The following ANO9 variants were observed in gnomAD, a reference collection of about 807,000 sequenced individuals.
The protein encoded by ANO9 is anoctamin 9, also known as anoctamin-9.
ANO9 carries 80 observed loss-of-function variants against 100.5 expected under a neutral mutation model. The observed-to-expected ratio is 0.80, with a 90% CI of 0.66 to 0.96. The LOEUF (loss-of-function observed/expected upper bound fraction) is 0.96. ANO9 is among the 40% of genes least tolerant of loss of function. ANO9 has a pLI of 0.00. For missense variants in ANO9, 1,064 were observed against 1,072.7 expected (o/e 0.99, Z 0.11); for synonymous variants, 473 against 435.6 (o/e 1.09, Z -1.07).
chr11:435,448 A>G (rs1849399680), intron 1 of ANO9, among the ~76,000 whole-genome samples: 1 of 149,906 alleles, frequency 6.7e-6, no homozygotes, highest in African/African-American at 2.5e-5. Context: ...AGTCTAGTAT[A>G]GCATAGGATA....
intron 1 of ANO9, among the ~76,000 whole-genome samples, chr11:437,759 G>T (rs951489788): frequency 6.6e-6 from 1 of 152,208 alleles, no homozygotes; most frequent in African/African-American, 2.4e-5. Context: ...GCCTCCGTAG[G>T]GGCCCGGGAA....
Position 421,286 on chromosome 11 carries a change from GAC to G in ANO9, c.1335-90_1335-89del, listed in dbSNP as rs1423917646. The G allele has an allele frequency of 5.9e-6, 8 of 1,362,854 alleles. No individual in the cohort carries two copies. The highest frequency in any genetic ancestry group is 2.5e-4 in the Middle Eastern group (1 of 3,924). The allele number at this position is 1,362,854 out of a possible 1,614,324, so 84.4% of individuals were successfully genotyped here. On this transcript the variant is annotated intron_variant, in intron 15 of 22. Coordinates refer to ENST00000332826, the MANE Select transcript of ANO9 (RefSeq NM_001012302.3). This position sits in a 1 kb window ranked among gnomAD's most constrained non-coding sequence, Gnocchi z 6.8. ...CAGCAGGACAGAAGCGGGTAGGAAAGACACAGAACAGGCGGGGCAGGCCCTGC... is the reference window on the plus strand; with the variant it reads ...CAGCAGGACAGAAGCGGGTAGGAAAGACAGAACAGGCGGGGCAGGCCCTGC...
chr11:442,008 G>A lies in ANO9; in HGVS notation c.-82C>T. ...CGGCGGGTGCTCCTACCTGACTTCC[G>A]CGTGGGGCTCGCCCCTCCCTCCTCC... On this transcript the variant is annotated 5_prime_UTR_variant, in exon 1 of 23. Transcript: ENST00000332826. The A allele has an allele frequency of 1.0e-5, 16 of 1,558,014 alleles. No homozygotes were observed. Among genetic ancestry groups the A allele is most frequent in the Middle Eastern group, 1.8e-4 (1 of 5,478 alleles).
rs555469018 is a variant in ANO9 at position 431,833 on chromosome 11, C to A, written c.465+15G>T. On this transcript the variant is annotated intron_variant, in intron 6 of 22. Coordinates refer to ENST00000332826, the MANE Select transcript of ANO9 (RefSeq NM_001012302.3). ...TCCCACCCCAGGGCCCTCTCCAGGCCAGCCCACCCCTCACCTTGTGCAGGG... is the reference window on the plus strand; with the variant it reads ...TCCCACCCCAGGGCCCTCTCCAGGCAAGCCCACCCCTCACCTTGTGCAGGG... 6.2e-7 allele frequency: 1 copy of A among 1,611,148 alleles called. No individual in the cohort carries two copies. Among genetic ancestry groups the A allele is most frequent in the African/African-American group, 1.3e-5 (1 of 74,800 alleles).
rs373156349 is a variant in ANO9 at position 428,702 on chromosome 11, C to A, written c.1020+20G>T. The A allele has an allele frequency of 1.1e-5, 17 of 1,612,588 alleles. No homozygotes were observed. In the African/African-American group the frequency reaches 1.9e-4, roughly 18 times the overall value. ...CATGCAGCCCGGGTCTCCAGCCCCA[C>A]CGCGGTGTCCCCTGCGTACCATGAG... On this transcript the variant is annotated intron_variant, in intron 12 of 22. Transcript: ENST00000332826.
intron 3 of ANO9, 148 bp from the exon 4 acceptor site, chr11:433,607 G>A (rs2133705928): frequency 2.1e-6 from 3 of 1,439,304 alleles, no homozygotes; most frequent in East Asian, 5.0e-5. Flanking sequence ...GTGGCCCAGA[G>A]CCACGGAGCT....
chr11:440,098 G>T (rs186617152), intron 1 of ANO9, among the ~76,000 whole-genome samples: 87 of 152,322 alleles, frequency 5.7e-4, no homozygotes, highest in African/African-American at 2.0e-3. Flanking sequence ...TCAGGGTGCA[G>T]TTGGTGTCTG....
At chr11:424,289 T>C (rs1008264119) in intron 15 of ANO9, among the ~76,000 whole-genome samples, 21 of 152,358 alleles carry the variant, frequency 1.4e-4, no homozygotes, top group African/African-American at 4.8e-4. Flanking sequence ...TAGTGTAACA[T>C]GAGAAACCAG....
intron 1 of ANO9, among the ~76,000 whole-genome samples, chr11:435,563 AGTCT>A (rs1849430837): frequency 1.5e-5 from 2 of 134,816 alleles, no homozygotes; most frequent in Admixed American, 1.5e-4. Flanking sequence ...AGTCTAGTCT[AGTCT>A]AGTATAGCAT....
Position 418,817 on chromosome 11 carries a change from G to C in ANO9, c.2037-4C>G, listed in dbSNP as rs778032728. On this transcript the variant is annotated splice_polypyrimidine_tract_variant and splice_region_variant and intron_variant, in intron 21 of 22. Coordinates refer to ENST00000332826, the MANE Select transcript of ANO9 (RefSeq NM_001012302.3). ...GGGATTGCGGTAGTCCCTGTATCTGGGGTAAGGAAGTACCTGAGGTCAGGG... is the reference window on the plus strand; with the variant it reads ...GGGATTGCGGTAGTCCCTGTATCTGCGGTAAGGAAGTACCTGAGGTCAGGG... The C allele has an allele frequency of 6.2e-7, 1 of 1,613,432 alleles. No individual in the cohort carries two copies. Among genetic ancestry groups the C allele is most frequent in the Non-Finnish European group, 8.5e-7 (1 of 1,179,996 alleles).
chr11:418,194 A>G lies in ANO9; in HGVS notation c.*177T>C. ...GCCAAGCCTGAGAGCCCCCACAAAG[A>G]CGGAGCAGGCGGAATAGGGTGGCAG... is the stretch of plus-strand genomic sequence containing the variant. On this transcript the variant is annotated 3_prime_UTR_variant, in exon 23 of 23. Coordinates refer to ENST00000332826, the MANE Select transcript of ANO9 (RefSeq NM_001012302.3). 5 of 663,142 alleles carry G rather than the reference A, an allele frequency of 7.5e-6. 1 individual carries two copies. In the South Asian group the frequency reaches 1.0e-4, roughly 13 times the overall value. The allele number at this position is 663,142 out of a possible 1,614,324, so 41.1% of individuals were successfully genotyped here. A position where few individuals can be genotyped will look rare whatever the true frequency, so the allele number is the denominator to read the frequency against.
rs200422652 is a variant in ANO9 at position 432,044 on chromosome 11, G to A, written c.361C>T (p.Arg121Ter). Residue 121 changes from arginine (R) to a stop codon, truncating the protein, a stop_gained, in exon 5 of 23, where the codon CGA becomes TGA. Coordinates refer to ENST00000332826, the MANE Select transcript of ANO9 (RefSeq NM_001012302.3). LOFTEE classifies it high-confidence loss of function. This position sits in a 1 kb window ranked among gnomAD's most constrained non-coding sequence, Gnocchi z 4.8. The part of the protein sequence containing the change: ...TIPVTTSLRI[R>*]IVNFVVMNNK... ...TTCATGACAACGAAGTTCACGATTC[G>A]GATTCTGAGACTCAAGAGCCAGAGC... is the stretch of plus-strand genomic sequence containing the variant. The A allele has an allele frequency of 6.2e-5, 100 of 1,612,866 alleles. No individual in the cohort carries two copies. Among genetic ancestry groups the A allele is most frequent in the African/African-American group, 1.3e-4 (10 of 74,954 alleles).
intron 1 of ANO9, among the ~76,000 whole-genome samples, chr11:439,181 C>A (rs1472112120): frequency 6.6e-6 from 1 of 152,262 alleles, no homozygotes; most frequent in Non-Finnish European, 1.5e-5. Flanking sequence ...TGTCCCACAG[C>A]CCTCACAGGT....
chr11:420,121 G>T, intron 19 of ANO9: 1 of 1,328,028 alleles, frequency 7.5e-7, no homozygotes, highest in Non-Finnish European at 9.6e-7. Context: ...TCGCTCCCCT[G>T]CTGCCTGTCC....
At position 432,816 on chromosome 11, in the gene ANO9, G is replaced by A. The variant is rs969990784; in HGVS notation, c.350+498C>T. On this transcript the variant is annotated intron_variant, in intron 4 of 22. Transcript: ENST00000332826. This position sits in a 1 kb window ranked among gnomAD's most constrained non-coding sequence, Gnocchi z 4.8. ...GGGCTGGGCAGGTCATGGGGGCATG[G>A]AGGGCCAGGCTTGGAGGCTCCCTCC... 5 of 158,780 alleles carry A rather than the reference G, an allele frequency of 3.1e-5. No individual in the cohort carries two copies. Among genetic ancestry groups the A allele is most frequent in the Non-Finnish European group, 5.5e-5 (4 of 72,620 alleles). The allele number at this position is 158,780 out of a possible 1,614,324, so 9.8% of individuals were successfully genotyped here.
Position 421,267 on chromosome 11 carries a change from G to T in ANO9, c.1335-69C>A. ...GCCTCTGACAGGGTGGGTGCAGCAG[G>T]ACAGAAGCGGGTAGGAAAGACACAG... On this transcript the variant is annotated intron_variant, in intron 15 of 22. Transcript: ENST00000332826. This position sits in a 1 kb window ranked among gnomAD's most constrained non-coding sequence, Gnocchi z 6.8. The T allele has an allele frequency of 7.0e-7, 1 of 1,420,846 alleles. No homozygotes were observed. Among genetic ancestry groups the T allele is most frequent in the Non-Finnish European group, 9.3e-7 (1 of 1,076,092 alleles). The allele number at this position is 1,420,846 out of a possible 1,614,324, so 88.0% of individuals were successfully genotyped here.
At chr11:424,584 A>G (rs1279532394) in intron 15 of ANO9, among the ~76,000 whole-genome samples, 1 of 152,234 alleles carries the variant, frequency 6.6e-6, no homozygotes, top group African/African-American at 2.4e-5. Flanking sequence ...TCATCCATCA[A>G]GAAAAATCAA....
At chr11:434,274 A>T (rs1325442825) in intron 1 of ANO9, among the ~76,000 whole-genome samples, 176 bp from the exon 2 acceptor site, 1 of 152,172 alleles carries the variant, frequency 6.6e-6, no homozygotes, top group Non-Finnish European at 1.5e-5. Context: ...AGGGCCTGCT[A>T]CAAACAACCG....
rs199962954 is a variant in ANO9 at position 431,998 on chromosome 11, C to A, written c.406+1G>T. The A allele has an allele frequency of 6.2e-7, 1 of 1,613,092 alleles. No homozygotes were observed. The highest frequency in any genetic ancestry group is 8.5e-7 in the Non-Finnish European group (1 of 1,179,766). On this transcript the variant is annotated splice_donor_variant, in intron 5 of 22. Coordinates refer to ENST00000332826, the MANE Select transcript of ANO9 (RefSeq NM_001012302.3). LOFTEE classifies it high-confidence loss of function. ...TGTCAGTGCCCCACCCCTGCCCTTACCACCAGCCGAGGTCTTGTTGTTCAT... is the reference window on the plus strand; with the variant it reads ...TGTCAGTGCCCCACCCCTGCCCTTAACACCAGCCGAGGTCTTGTTGTTCAT...
Sources: allele counts gnomAD v4.1 joint callset (sites outside exome capture counted in the v4.1 genomes callset), GRCh38; gene constraint gnomAD v4.1.1; non-coding constraint Gnocchi (gnomAD v3.1); transcripts MANE v1.5; gene names NCBI Gene and HGNC (gene_info 2026-07-23, HGNC 2026-07-21).